The following OTOGL variants were observed in gnomAD, a reference collection of about 807,000 sequenced individuals.
OTOGL encodes the protein otogelin like, also known as otogelin-like protein.
In OTOGL, 285 loss-of-function variants were observed where a neutral mutation model predicts 318.5. That is an observed-to-expected ratio of 0.89 (90% CI 0.81 to 0.99). The LOEUF is 0.99. Ranked by LOEUF, OTOGL falls within the 50% of genes least tolerant of loss-of-function variation. The pLI is 0.00. For missense variants in OTOGL, 2,899 were observed against 2,845.6 expected (o/e 1.02, Z -0.43); for synonymous variants, 987 against 936.5 (o/e 1.05, Z -0.99).
At chr12:80,171,224 C>A (rs894948601) in intron 1 of OTOGL, among the ~76,000 whole-genome samples, 3 of 151,918 alleles carry the variant, frequency 2.0e-5, no homozygotes, top group Non-Finnish European at 4.4e-5. Context: ...CAAGAATGCA[C>A]CACCATGCCC....
In OTOGL at chr12:80,342,051, G is replaced by T. The variant is rs1888807839; in HGVS notation, c.5154G>T (p.Glu1718Asp). ...IGLFIESWEI[E>D]KSFEVTMRRP... is the part of the protein sequence containing the mutation. ...TATTTATTGAGAGCTGGGAAATTGA[G>T]AAATCATTTGAAGTAACAATGAGAA... Residue 1718 changes from glutamate (E) to aspartate (D), a missense_variant, in exon 44 of 59, where the codon GAG becomes GAT. Glu to Asp is a conservative substitution (Grantham distance 45). Coordinates refer to ENST00000547103, the MANE Select transcript of OTOGL (RefSeq NM_001378609.3). 2.5e-6 allele frequency: 4 copies of T among 1,607,218 alleles called. No homozygotes were observed. Among genetic ancestry groups the T allele is most frequent in the Non-Finnish European group, 3.4e-6 (4 of 1,175,950 alleles).
At chr12:80,325,885 G>A (rs575529042) in intron 35 of OTOGL, among the ~76,000 whole-genome samples, 9 of 152,236 alleles carry the variant, frequency 5.9e-5, no homozygotes, top group Non-Finnish European at 5.9e-5. Flanking sequence ...ATGGGATGAC[G>A]TGGGATGATC....
chr12:80,197,902 A>G (rs182127336), intron 1 of OTOGL, among the ~76,000 whole-genome samples: 2 of 152,258 alleles, frequency 1.3e-5, no homozygotes, highest in Non-Finnish European at 2.9e-5. Context: ...TTTCCTCTTA[A>G]TATGTACAAG....
chr12:80,209,503 A>G lies in OTOGL; in HGVS notation c.72A>G (p.Ser24=). 6.8e-7 allele frequency: 1 copy of G among 1,479,228 alleles called. No homozygotes were observed. 91.6% of individuals were successfully genotyped at this position (1,479,228 alleles called of 1,614,324 possible). A position where few individuals can be genotyped will look rare whatever the true frequency, so the allele number is the denominator to read the frequency against. ...SIFLLHVLLF[S]LQEYICASSI... Reference sequence around the variant, plus strand: ...TCTTGCTTCATGTACTGCTGTTTTCATTACAAGGTAAGAACTCAGATTAAA... The same window carrying G: ...TCTTGCTTCATGTACTGCTGTTTTCGTTACAAGGTAAGAACTCAGATTAAA... The change falls in exon 2 of 59, where the codon TCA becomes TCG. Residue 24 remains serine (S), a synonymous_variant. Coordinates refer to ENST00000547103, the MANE Select transcript of OTOGL (RefSeq NM_001378609.3).
chr12:80,305,209 T>TAC (rs894296863), intron 28 of OTOGL, among the ~76,000 whole-genome samples: 1 of 152,186 alleles, frequency 6.6e-6, no homozygotes, highest in African/African-American at 2.4e-5. Context: ...TATATATATA[T>TAC]ACACATGAAT....
chr12:80,356,991 A>G, intron 49 of OTOGL, 77 bp downstream of exon 49: 2 of 796,720 alleles, frequency 2.5e-6, no homozygotes, highest in Admixed American at 3.4e-5. Context: ...TGTGAATTTT[A>G]TGAGACTGAT....
At chr12:80,183,431 A>C (rs571681347) in intron 1 of OTOGL, among the ~76,000 whole-genome samples, 1 of 152,346 alleles carries the variant, frequency 6.6e-6, no homozygotes, top group East Asian at 1.9e-4. Flanking sequence ...GTGGATAATT[A>C]CGTCTATCAC....
chr12:80,261,558 C>T (rs940358896), intron 18 of OTOGL, among the ~76,000 whole-genome samples: 2 of 152,016 alleles, frequency 1.3e-5, no homozygotes, highest in African/African-American at 4.8e-5. Context: ...CTAACTTCCC[C>T]ACATGCACCC....
At chr12:80,109,817 T>C (rs1435439452) in intron 1 of OTOGL, among the ~76,000 whole-genome samples, 2 of 152,176 alleles carry the variant, frequency 1.3e-5, no homozygotes, top group South Asian at 2.1e-4. Flanking sequence ...AAAGTGAATA[T>C]GTATTTAGAA....
chr12:80,100,686 C>T (rs903522769), intron 1 of OTOGL, among the ~76,000 whole-genome samples: 3 of 152,240 alleles, frequency 2.0e-5, no homozygotes, highest in African/African-American at 7.2e-5. Context: ...AACCTCTTTT[C>T]CTTTTCTTTC....
intron 1 of OTOGL, among the ~76,000 whole-genome samples, chr12:80,108,918 G>GTA (rs1304306418): frequency 1.4e-4 from 16 of 117,396 alleles, no homozygotes; most frequent in South Asian, 2.6e-4. Context: ...ATATATATGT[G>GTA]TATATATATA....
At chr12:80,194,229 T>G (rs1318607719) in intron 1 of OTOGL, among the ~76,000 whole-genome samples, 1 of 152,230 alleles carries the variant, frequency 6.6e-6, no homozygotes, top group African/African-American at 2.4e-5. Flanking sequence ...CAGTTGGAAT[T>G]CATTTATTTT....
In OTOGL at chr12:80,103,336, T is replaced by C. The variant is rs1045336206; in HGVS notation, c.-20+3731T>C. 4.0e-6 allele frequency: 6 copies of C among 1,513,934 alleles called. No homozygotes were observed. The African/African-American group carries it at 6.8e-5, about 17-fold the overall frequency. The allele number at this position is 1,513,934 out of a possible 1,614,324, so 93.8% of individuals were successfully genotyped here. A position where few individuals can be genotyped will look rare whatever the true frequency, so the allele number is the denominator to read the frequency against. The stretch of plus-strand genomic sequence containing the variant: ...GTCACAAAGGGATTAAACTTCATTT[T>C]GGCCGCTCCCGCTTCGGTGATCGAT... On this transcript the variant is annotated intron_variant, in intron 1 of 58. Coordinates refer to ENST00000547103, the MANE Select transcript of OTOGL (RefSeq NM_001378609.3).
chr12:80,280,355 T>TGCAATTGCTTTAGGTGTC (rs375639001), intron 26 of OTOGL, among the ~76,000 whole-genome samples: 1 of 151,504 alleles, frequency 6.6e-6, no homozygotes. Flanking sequence ...GTGTCTTTGT[T>TGCAATTGCTTTAGGTGTC]ATGAAATCTT....
intron 44 of OTOGL, among the ~76,000 whole-genome samples, chr12:80,351,746 A>G (rs747641020): frequency 1.3e-5 from 2 of 152,314 alleles, no homozygotes; most frequent in South Asian, 2.1e-4. Context: ...ATATTGTCAC[A>G]TGCTGCATTA....
intron 1 of OTOGL, chr12:80,208,310 A>G (rs2137302145): frequency 2.2e-6 from 1 of 464,594 alleles, no homozygotes; most frequent in East Asian, 6.1e-5. Flanking sequence ...AACATTAGTT[A>G]GGATGTCAAG....
intron 22 of OTOGL, among the ~76,000 whole-genome samples, chr12:80,269,015 A>G (rs1883211746): frequency 6.6e-6 from 1 of 152,024 alleles, no homozygotes; most frequent in South Asian, 2.1e-4. Context: ...AATAAGTATG[A>G]TATGGAAGAC....
At chr12:80,200,356 G>A (rs1426490241) in intron 1 of OTOGL, among the ~76,000 whole-genome samples, 1 of 152,200 alleles carries the variant, frequency 6.6e-6, no homozygotes, top group African/African-American at 2.4e-5. Flanking sequence ...AAGGTAAGGA[G>A]GGGATATTTA....
At chr12:80,352,684 G>T (rs1237919109) in intron 45 of OTOGL, among the ~76,000 whole-genome samples, 1 of 152,010 alleles carries the variant, frequency 6.6e-6, no homozygotes, top group Non-Finnish European at 1.5e-5. Context: ...TATTCAAGAG[G>T]GGCATTGCTG....
Sources: allele counts gnomAD v4.1 joint callset (sites outside exome capture counted in the v4.1 genomes callset), GRCh38; gene constraint gnomAD v4.1.1; transcripts MANE v1.5; gene names NCBI Gene and HGNC (gene_info 2026-07-23, HGNC 2026-07-21).